The following EDEM1 variants were observed in gnomAD, a reference collection of about 807,000 sequenced individuals.
EDEM1 encodes ER degradation enhancing alpha-mannosidase like protein 1.
EDEM1 carries 67 observed loss-of-function variants against 74.4 expected under a neutral mutation model. That is an observed-to-expected ratio of 0.90 (90% CI 0.74 to 1.10). The LOEUF is 1.10. Among genes scored for constraint, EDEM1 ranks in the 50% least tolerant of loss-of-function variants. The pLI is 0.00. For synonymous variants in EDEM1, 382 were observed against 335.9 expected, an observed-to-expected ratio of 1.14 and a Z score of -1.50; for missense variants, 926 against 851.6, an observed-to-expected ratio of 1.09 and a Z score of -1.09.
At position 5,218,520 on chromosome 3, in the gene EDEM1, A is replaced by T. The variant is rs2055269241; in HGVS notation, c.*2602A>T. On this transcript the variant is annotated 3_prime_UTR_variant, in exon 12 of 12. Coordinates refer to ENST00000256497, the MANE Select transcript of EDEM1 (RefSeq NM_014674.3). ...CAGTGCTTTGCCCCAGGATTGCCTC[A>T]AATCTGAGTGGACTTCATCCTTTGC... The T allele has an allele frequency of 6.6e-6, 1 of 152,134 alleles. No individual in the cohort carries two copies. 9.4% of individuals were successfully genotyped at this position (152,134 alleles called of 1,614,324 possible).
In EDEM1 at chr3:5,207,159, A is replaced by G; in HGVS notation, c.1224A>G (p.Glu408=). 1 of 1,614,044 alleles carries G rather than the reference A, an allele frequency of 6.2e-7. No homozygotes were observed. The highest frequency in any genetic ancestry group is 8.5e-7 in the Non-Finnish European group (1 of 1,179,978). ...SIQNYLRRGR[E]ACNEGEGDPP... ...GTGCTGCTTGGGTTTGCAGGCGGGA[A>G]GCCTGCAATGAAGGAGAAGGAGACC... is the stretch of plus-strand genomic sequence containing the variant. Residue 408 remains glutamate (E), a synonymous_variant, in exon 7 of 12, where the codon GAA becomes GAG. Transcript: ENST00000256497.
chr3:5,205,953 T>C (rs902947948), intron 6 of EDEM1, among the ~76,000 whole-genome samples: 1 of 152,114 alleles, frequency 6.6e-6, no homozygotes. Context: ...CACATCCCAG[T>C]GTTTAACTGT....
chr3:5,215,705 A>G (rs2055226334), intron 11 of EDEM1, 124 bp from the exon 12 acceptor site: 1 of 904,590 alleles, frequency 1.1e-6, no homozygotes, highest in Non-Finnish European at 1.8e-6. Context: ...GGCAGCTTCC[A>G]CAACAGTTAC....
At chr3:5,203,974 C>T (rs1280733637) in intron 5 of EDEM1, among the ~76,000 whole-genome samples, 1 of 152,194 alleles carries the variant, frequency 6.6e-6, no homozygotes, top group East Asian at 1.9e-4. Flanking sequence ...GCAAGCAATT[C>T]TCCCACCTTG....
intron 1 of EDEM1, 22 bp from the exon 2 acceptor site, chr3:5,195,187 G>A: frequency 7.1e-7 from 1 of 1,405,202 alleles, no homozygotes. Context: ...TCTTTTTGTT[G>A]AATTTTAATT....
rs1261919463 is a variant in EDEM1 at position 5,188,315 on chromosome 3, G to T, written c.509+1G>T. 6.7e-7 allele frequency: 1 copy of T among 1,490,832 alleles called. No individual in the cohort carries two copies. The highest frequency in any genetic ancestry group is 9.0e-7 in the Non-Finnish European group (1 of 1,117,020). 92.4% of individuals were successfully genotyped at this position (1,490,832 alleles called of 1,614,324 possible). Reference sequence around the variant, plus strand: ...GCCGTGGGCCCGACCGCGGGGACCCGTGAGTAGCCCCCGCCGCCCGGGGCC... The same window carrying T: ...GCCGTGGGCCCGACCGCGGGGACCCTTGAGTAGCCCCCGCCGCCCGGGGCC... On this transcript the variant is annotated splice_donor_variant, in intron 1 of 11. Transcript: ENST00000256497. LOFTEE classifies it high-confidence loss of function.
chr3:5,207,007 G>C (rs1271528583), intron 6 of EDEM1, 146 bp from the exon 7 acceptor site: 1 of 1,049,074 alleles, frequency 9.5e-7, no homozygotes, highest in Admixed American at 2.5e-5. Context: ...ATTAAAGGCA[G>C]TCTGTCTGCA....
intron 1 of EDEM1, among the ~76,000 whole-genome samples, chr3:5,192,870 G>A (rs142608075): frequency 2.0e-5 from 3 of 151,946 alleles, no homozygotes; most frequent in African/African-American, 7.2e-5. Context: ...TCTTAGAGAG[G>A]ATTTGTCTGA....
rs189571899 is a variant in EDEM1 at position 5,188,167 on chromosome 3, C to A, written c.362C>A (p.Ala121Asp). 1 of 1,552,990 alleles carries A rather than the reference C, an allele frequency of 6.4e-7. No individual in the cohort carries two copies. Among genetic ancestry groups the A allele is most frequent in the Non-Finnish European group, 8.7e-7 (1 of 1,150,790 alleles). ...GAGTACGAGAAGCGCTACAGCGGCG[C>A]CTTCCCTCCGCAGCTGCGTGCCCAG... ...PDEYEKRYSG[A>D]FPPQLRAQMR... The change falls in exon 1 of 12, where the codon GCC becomes GAC. Residue 121 changes from alanine (A) to aspartate (D), a missense_variant. Transcript: ENST00000256497.
At chr3:5,188,352 C>T (rs767436877) in intron 1 of EDEM1, 38 bp downstream of exon 1, 1 of 1,375,182 alleles carries the variant, frequency 7.3e-7, no homozygotes, top group Non-Finnish European at 9.4e-7. Context: ...CGCGCCCACG[C>T]GCTTCCTTCC....
Position 5,210,206 on chromosome 3 carries a change from GA to G in EDEM1, c.1543del (p.Met515TrpfsTer106). On this transcript the variant is annotated frameshift_variant, in exon 9 of 12. Transcript: ENST00000256497. LOFTEE classifies it high-confidence loss of function. ...ATKNPFYLHVGMDILQSLEKY... is the reference protein window; with the variant it reads ...ATKNPFYLHVXMDILQSLEKY... Reference sequence around the variant, plus strand: ...AAGAATCCCTTCTACCTCCATGTAGGAATGGATATTCTGCAGAGTCTGGAAA... The same window carrying G: ...AAGAATCCCTTCTACCTCCATGTAGGATGGATATTCTGCAGAGTCTGGAAA... 1 of 1,614,218 alleles carries G rather than the reference GA, an allele frequency of 6.2e-7. No homozygotes were observed. The highest frequency in any genetic ancestry group is 2.2e-5 in the East Asian group (1 of 44,894).
intron 10 of EDEM1, among the ~76,000 whole-genome samples, chr3:5,212,657 G>A (rs2055182001): frequency 6.6e-6 from 1 of 152,158 alleles, no homozygotes; most frequent in Non-Finnish European, 1.5e-5. Flanking sequence ...AGAGTTTCTA[G>A]GTATTCATTC....
In EDEM1 at chr3:5,188,310, G is replaced by A. The variant is rs1198542716; in HGVS notation, c.505G>A (p.Asp169Asn). 1 of 1,512,262 alleles carries A rather than the reference G, an allele frequency of 6.6e-7. No homozygotes were observed. The allele number at this position is 1,512,262 out of a possible 1,614,324, so 93.7% of individuals were successfully genotyped here. A position where few individuals can be genotyped will look rare whatever the true frequency, so the allele number is the denominator to read the frequency against. ...CCGCGGCCGTGGGCCCGACCGCGGG[G>A]ACCCGTGAGTAGCCCCCGCCGCCCG... ...HCRGRGPDRG[D>N]PSNLNINDVL... The change falls in exon 1 of 12, where the codon GAC (aspartate) becomes AAC (asparagine). Residue 169 changes from aspartate (D) to asparagine (N), a missense_variant. Transcript: ENST00000256497.
chr3:5,188,847 G>T (rs1308305569), intron 1 of EDEM1, among the ~76,000 whole-genome samples: 3 of 152,202 alleles, frequency 2.0e-5, no homozygotes, highest in Non-Finnish European at 4.4e-5. Context: ...GCAGAACGGG[G>T]TTACAGCCTC....
chr3:5,195,531 T>A (rs2054955226), intron 2 of EDEM1, among the ~76,000 whole-genome samples: 1 of 152,256 alleles, frequency 6.6e-6, no homozygotes, highest in Non-Finnish European at 1.5e-5. Flanking sequence ...GAACCTATTT[T>A]TTTTTAACCA....
rs2055078113 is a variant in EDEM1 at position 5,205,047 on chromosome 3, T to G, written c.1043-20T>G. The G allele has an allele frequency of 6.2e-7, 1 of 1,612,084 alleles. No individual in the cohort carries two copies. On this transcript the variant is annotated intron_variant, in intron 5 of 11. Transcript: ENST00000256497. ...CCGATGAGACAGCTGGGACCTCAAG[T>G]GCCTTGTTTATTTTTGCAGGCAATG...
At chr3:5,196,236 C>T (rs947874437) in intron 2 of EDEM1, among the ~76,000 whole-genome samples, 15 of 152,168 alleles carry the variant, frequency 9.9e-5, no homozygotes, top group African/African-American at 3.4e-4. Context: ...GTGGGAGGAT[C>T]AGCTGAGGTC....
chr3:5,211,653 A>AGTGT lies in EDEM1; in HGVS notation c.1680+470_1680+473dup, dbSNP rs34661098. On this transcript the variant is annotated intron_variant, in intron 10 of 11. Coordinates refer to ENST00000256497, the MANE Select transcript of EDEM1 (RefSeq NM_014674.3). Reference sequence around the variant, plus strand: ...ACATCCTCAGGCACATGAGTGAGTGAGTGTGTGTGTGTGTGTGTGTGTGTG... The same window carrying AGTGT: ...ACATCCTCAGGCACATGAGTGAGTGAGTGTGTGTGTGTGTGTGTGTGTGTGTGTG... Among the ~76,000 whole-genome samples, 895 of 146,952 alleles carry AGTGT rather than the reference A, an allele frequency of 6.1e-3. 5 individuals carry two copies. Among genetic ancestry groups the AGTGT allele is most frequent in the African/African-American group, 0.013 (488 of 38,160 alleles).
In EDEM1 at chr3:5,196,375, T is replaced by C. The variant is rs189886869; in HGVS notation, c.582+1094T>C. On this transcript the variant is annotated intron_variant, in intron 2 of 11. Coordinates refer to ENST00000256497, the MANE Select transcript of EDEM1 (RefSeq NM_014674.3). ...AAGAGGCTGAGGCAGGAGAAATGCT[T>C]GAACCCAGGAGTCAGAGGTTGCAGT... Among the ~76,000 whole-genome samples, 22 of 152,194 alleles carry C rather than the reference T, an allele frequency of 1.4e-4. No individual in the cohort carries two copies. In the East Asian group the frequency reaches 4.3e-3, roughly 29 times the overall value.
Sources: allele counts gnomAD v4.1 joint callset (sites outside exome capture counted in the v4.1 genomes callset), GRCh38; gene constraint gnomAD v4.1.1; transcripts MANE v1.5; gene names NCBI Gene and HGNC (gene_info 2026-07-23, HGNC 2026-07-21).